RAB3C: variants seen among roughly 807,000 people sequenced by gnomAD.
RAB3C encodes RAB3C, member RAS oncogene family, also known as ras-related protein Rab-3C.
RAB3C carries 17 observed loss-of-function variants against 26.4 expected under a neutral mutation model. The ratio of observed to expected loss-of-function variants is 0.64; its 90% CI spans 0.44 to 0.97. The LOEUF is 0.97. RAB3C is among the 50% of genes least tolerant of loss of function. The pLI is 0.00. For missense variants in RAB3C, 242 were observed against 281.9 expected (o/e 0.86, Z 1.01); for synonymous variants, 91 against 95.9 (o/e 0.95, Z 0.30).
intron 3 of RAB3C, among the ~76,000 whole-genome samples, chr5:58,759,380 G>A (rs913881309): frequency 1.3e-5 from 2 of 152,156 alleles, no homozygotes; most frequent in Non-Finnish European, 2.9e-5. Context: ...TAGGTGCAAC[G>A]TCACAAGGAA....
At chr5:58,680,644 T>C (rs1225049409) in intron 2 of RAB3C, among the ~76,000 whole-genome samples, 1 of 152,172 alleles carries the variant, frequency 6.6e-6, no homozygotes, top group Non-Finnish European at 1.5e-5. Context: ...GATCTAGAAG[T>C]GGACAGGTTT....
intron 2 of RAB3C, among the ~76,000 whole-genome samples, chr5:58,618,152 C>G (rs1242619288): frequency 6.6e-6 from 1 of 152,096 alleles, no homozygotes; most frequent in Non-Finnish European, 1.5e-5. Flanking sequence ...GTGGAAGGAA[C>G]ACTTTAAGTC....
intron 4 of RAB3C, among the ~76,000 whole-genome samples, chr5:58,844,414 CTACAGCTT>C: frequency 6.6e-6 from 1 of 152,212 alleles, no homozygotes; most frequent in Non-Finnish European, 1.5e-5. Context: ...TCTTGCTTTT[CTACAGCTT>C]TGGTCTGCAA....
At chr5:58,587,380 T>TTATC (rs983591568) in intron 1 of RAB3C, among the ~76,000 whole-genome samples, 5 of 152,114 alleles carry the variant, frequency 3.3e-5, no homozygotes, top group Non-Finnish European at 7.4e-5. Context: ...AAATGTTCTT[T>TTATC]TATATAGATT....
chr5:58,769,334 T>C (rs1452165887), intron 3 of RAB3C, among the ~76,000 whole-genome samples: 2 of 152,074 alleles, frequency 1.3e-5, no homozygotes, highest in East Asian at 1.9e-4. Context: ...GAGTTAAAGA[T>C]AGGATGCAAG....
intron 2 of RAB3C, among the ~76,000 whole-genome samples, chr5:58,676,509 A>T (rs1048470765): frequency 6.6e-6 from 1 of 152,090 alleles, no homozygotes; most frequent in Non-Finnish European, 1.5e-5. Flanking sequence ...TTGCCAAAAA[A>T]AATAATAAAA....
chr5:58,782,054 C>T (rs1742281040), intron 3 of RAB3C, among the ~76,000 whole-genome samples: 1 of 152,074 alleles, frequency 6.6e-6, no homozygotes, highest in African/African-American at 2.4e-5. Context: ...CCTGAAAGTC[C>T]TCTGAGTAAA....
rs141562599 is a variant in RAB3C, at chr5:58,783,680, G to T, written c.372-41358G>T. Among the ~76,000 whole-genome samples, 943 of 152,242 alleles carry T rather than the reference G, an allele frequency of 6.2e-3. 15 individuals are homozygous for T. Among genetic ancestry groups the T allele is most frequent in the African/African-American group, 0.022 (903 of 41,562 alleles). On this transcript the variant is annotated intron_variant, in intron 3 of 4. Transcript: ENST00000282878. ...ACTAATAAGCTTGGATCCCATGAAG[G>T]TGCTTATCCTACAGGCAGTTTTGGG...
chr5:58,828,901 C>CTTT (rs762653092), intron 4 of RAB3C, among the ~76,000 whole-genome samples: 5 of 122,422 alleles, frequency 4.1e-5, no homozygotes, highest in Admixed American at 1.7e-4. Context: ...TTTTACCATG[C>CTTT]TTTTTTTTTT....
intron 2 of RAB3C, among the ~76,000 whole-genome samples, chr5:58,634,153 A>G (rs1189109209): frequency 2.0e-5 from 3 of 152,060 alleles, no homozygotes; most frequent in Non-Finnish European, 2.9e-5. Flanking sequence ...AAAAAAAAAA[A>G]AATTGTTTGT....
At chr5:58,600,350 G>A (rs1396980846) in intron 1 of RAB3C, among the ~76,000 whole-genome samples, 1 of 151,862 alleles carries the variant, frequency 6.6e-6, no homozygotes, top group Non-Finnish European at 1.5e-5. Flanking sequence ...ATGAATTTTA[G>A]AATTTTTTTT....
chr5:58,690,717 G>A (rs1046317795), intron 2 of RAB3C, among the ~76,000 whole-genome samples: 6 of 152,036 alleles, frequency 3.9e-5, no homozygotes, highest in African/African-American at 1.4e-4. Flanking sequence ...TTCTGCTTAG[G>A]CTGAGAAATG....
At chr5:58,834,498 T>A (rs559139176) in intron 4 of RAB3C, among the ~76,000 whole-genome samples, 6 of 152,348 alleles carry the variant, frequency 3.9e-5, no homozygotes, top group African/African-American at 1.2e-4. Context: ...AACCACCTGT[T>A]CCAAATATGC....
chr5:58,764,642 T>C (rs1005749878), intron 3 of RAB3C, among the ~76,000 whole-genome samples: 2 of 152,190 alleles, frequency 1.3e-5, no homozygotes, highest in Non-Finnish European at 2.9e-5. Flanking sequence ...TAAATGAGCA[T>C]AAAATTTAGT....
chr5:58,706,192 T>C, intron 2 of RAB3C, among the ~76,000 whole-genome samples: 1 of 152,224 alleles, frequency 6.6e-6, no homozygotes, highest in East Asian at 1.9e-4. Flanking sequence ...TGTTGAATGA[T>C]AAGCTTTACT....
intron 1 of RAB3C, among the ~76,000 whole-genome samples, chr5:58,585,468 G>T (rs968402164): frequency 6.6e-6 from 1 of 151,674 alleles, no homozygotes; most frequent in Non-Finnish European, 1.5e-5. Flanking sequence ...ACTTAGGTCT[G>T]TAGAAGATGA....
At chr5:58,835,228 A>G (rs1367055752) in intron 4 of RAB3C, among the ~76,000 whole-genome samples, 1 of 152,050 alleles carries the variant, frequency 6.6e-6, no homozygotes, top group Non-Finnish European at 1.5e-5. Flanking sequence ...ACTCTGGCAA[A>G]TCCCTATTTT....
intron 1 of RAB3C, among the ~76,000 whole-genome samples, chr5:58,592,633 G>A (rs951544532): frequency 2.0e-5 from 3 of 152,074 alleles, no homozygotes; most frequent in African/African-American, 7.2e-5. Flanking sequence ...TTGTTCATCT[G>A]ATAATGGTTT....
At chr5:58,675,321 C>A (rs761030802) in intron 2 of RAB3C, among the ~76,000 whole-genome samples, 2 of 152,094 alleles carry the variant, frequency 1.3e-5, no homozygotes, top group Non-Finnish European at 2.9e-5. Context: ...ATTTTCTTCA[C>A]CTCTATCAAT....
Sources: gnomAD v4.1 joint callset for allele counts (sites outside exome capture counted in the v4.1 genomes callset) on GRCh38, gnomAD v4.1.1 for gene constraint, MANE v1.5 for transcripts, NCBI Gene and HGNC (gene_info 2026-07-23, HGNC 2026-07-21) for gene names.